The following PTPN5 variants were observed in gnomAD, a reference collection of about 807,000 sequenced individuals.
PTPN5 encodes tyrosine-protein phosphatase non-receptor type 5.
In PTPN5, 29 loss-of-function variants were observed where a neutral mutation model predicts 73.9. That is an observed-to-expected ratio of 0.39 (90% CI 0.29 to 0.54). The LOEUF (loss-of-function observed/expected upper bound fraction) is 0.54, where lower values mean the gene tolerates loss of function less well. PTPN5 is among the 20% of genes least tolerant of loss of function. The probability of loss-of-function intolerance (pLI) is 0.65; values close to 1 mark genes in which losing one functional copy is unlikely to be tolerated. For synonymous variants in PTPN5, 267 were observed against 304.7 expected, an observed-to-expected ratio of 0.88 and a Z score of 1.29; for missense variants, 652 against 751.4, an observed-to-expected ratio of 0.87 and a Z score of 1.55.
intron 1 of PTPN5, among the ~76,000 whole-genome samples, chr11:18,777,563 G>A (rs1480880457): frequency 6.6e-6 from 1 of 152,146 alleles, no homozygotes; most frequent in African/African-American, 2.4e-5. Flanking sequence ...CTGGTAAACC[G>A]GTTCTTAACT....
chr11:18,749,411 C>CA, intron 3 of PTPN5: 1 of 512,640 alleles, frequency 2.0e-6, no homozygotes, highest in Non-Finnish European at 3.9e-6. Flanking sequence ...GTGATGTTTC[C>CA]ATTTTGCCAT....
chr11:18,740,825 A>C, intron 7 of PTPN5, 33 bp from the exon 8 acceptor site: 47 of 1,400,550 alleles, frequency 3.4e-5, no homozygotes, highest in Non-Finnish European at 4.2e-5. Flanking sequence ...TGTGAGCCTC[A>C]GGGGCAGAGG....
At chr11:18,783,493 A>G (rs1484149192) in intron 1 of PTPN5, among the ~76,000 whole-genome samples, 1 of 152,212 alleles carries the variant, frequency 6.6e-6, no homozygotes, top group Non-Finnish European at 1.5e-5. Context: ...CCACAGCCCT[A>G]CAGAGCACAG....
rs1037452486 is a variant in PTPN5, at chr11:18,742,375, G to C, written c.612C>G (p.Asp204Glu). The change falls in exon 7 of 15, where the codon GAC becomes GAG. Residue 204 changes from aspartate (D) to glutamate (E), a missense_variant. Coordinates refer to ENST00000358540, the MANE Select transcript of PTPN5 (RefSeq NM_006906.2). This position sits in a 1 kb window ranked among gnomAD's most constrained non-coding sequence, Gnocchi z 4.1. ...CGGGCACCGGGTCGAGGTCCAGGAAGTCATCCTCGATCTTCTCCTCCATCC... is the reference window on the plus strand; with the variant it reads ...CGGGCACCGGGTCGAGGTCCAGGAACTCATCCTCGATCTTCTCCTCCATCC... ...SEWMEEKIED[D>E]FLDLDPVPET... 1.9e-6 allele frequency: 3 copies of C among 1,614,164 alleles called. No homozygotes were observed. The highest frequency in any genetic ancestry group is 2.5e-6 in the Non-Finnish European group (3 of 1,180,028).
rs1301765941 is a variant in PTPN5 at position 18,737,870 on chromosome 11, G to A, written c.1000+10C>T. 1.2e-6 allele frequency: 2 copies of A among 1,611,968 alleles called. No homozygotes were observed. Among genetic ancestry groups the A allele is most frequent in the Non-Finnish European group, 8.5e-7 (1 of 1,178,018 alleles). On this transcript the variant is annotated intron_variant, in intron 9 of 14. Coordinates refer to ENST00000358540, the MANE Select transcript of PTPN5 (RefSeq NM_006906.2). ...CCTGCCCCCATCCCTCTGGGACAGT[G>A]AGTACTCACTGGGAAGTATGGTTTT...
At chr11:18,791,145 G>T (rs1485437154) in intron 1 of PTPN5, among the ~76,000 whole-genome samples, 1 of 152,226 alleles carries the variant, frequency 6.6e-6, no homozygotes, top group South Asian at 2.1e-4. Context: ...GGCTAGCGGC[G>T]ATTTCCAATC....
Position 18,771,951 on chromosome 11 carries a change from T to C in PTPN5, c.8A>G (p.Tyr3Cys), listed in dbSNP as rs369144651. The C allele has an allele frequency of 5.1e-6, 8 of 1,583,070 alleles. No homozygotes were observed. Among genetic ancestry groups the C allele is most frequent in the South Asian group, 1.2e-5 (1 of 84,908 alleles). The change falls in exon 2 of 15, where the codon TAT (tyrosine) becomes TGT (cysteine). Residue 3 changes from tyrosine (Y) to cysteine (C), a missense_variant. Transcript: ENST00000358540. Reference protein sequence around the residue: MNYEGARSERENH... With the variant: MNCEGARSERENH... Reference sequence around the variant, plus strand: ...AACGCTCACTCACCTGGCTCCCTCATAATTCATTCCCAAGGTGTCTGGATG... The same window carrying C: ...AACGCTCACTCACCTGGCTCCCTCACAATTCATTCCCAAGGTGTCTGGATG...
chr11:18,738,691 T>A (rs1849226161), intron 8 of PTPN5, among the ~76,000 whole-genome samples: 1 of 152,120 alleles, frequency 6.6e-6, no homozygotes, highest in Non-Finnish European at 1.5e-5. Flanking sequence ...AGTTCACCTC[T>A]GCCCGGGCGC....
Position 18,729,210 on chromosome 11 carries a change from C to T in PTPN5, c.1605-183G>A, listed in dbSNP as rs1013339224. Among the ~76,000 whole-genome samples, 2 of 152,180 alleles carry T rather than the reference C, an allele frequency of 1.3e-5. No homozygotes were observed. Among genetic ancestry groups the T allele is most frequent in the African/African-American group, 4.8e-5 (2 of 41,442 alleles). ...TCAGGGACACAGATGACATGTCCTA[C>T]CACTTTCGGCCTCTGTCCTTTTATC... On this transcript the variant is annotated intron_variant, in intron 14 of 14. Coordinates refer to ENST00000358540, the MANE Select transcript of PTPN5 (RefSeq NM_006906.2). This position sits in a 1 kb window ranked among gnomAD's most constrained non-coding sequence, Gnocchi z 5.2.
intron 1 of PTPN5, among the ~76,000 whole-genome samples, chr11:18,787,004 G>A (rs1000158001): frequency 1.3e-5 from 2 of 152,160 alleles, no homozygotes; most frequent in African/African-American, 4.8e-5. Flanking sequence ...CCAGAAGGAT[G>A]TATATTTGTG....
At chr11:18,775,252 C>T (rs187948920) in intron 1 of PTPN5, among the ~76,000 whole-genome samples, 5 of 152,306 alleles carry the variant, frequency 3.3e-5, no homozygotes, top group African/African-American at 9.6e-5. Flanking sequence ...AAAAATATTC[C>T]GCAAATACAA....
chr11:18,746,161 A>AT (rs1491401573), intron 3 of PTPN5, among the ~76,000 whole-genome samples: 71 of 85,208 alleles, frequency 8.3e-4, no homozygotes, highest in African/African-American at 2.9e-3. Context: ...TTATAAATAT[A>AT]AATATATATA....
rs1849459192 is a variant in PTPN5, at chr11:18,743,321, C to G, written c.399+1G>C. ...CCTAGGACTCCCCAAAGCTTACTTA[C>G]CGTGGGTTCCAGCTGTTTCAGGAGC... On this transcript the variant is annotated splice_donor_variant, in intron 5 of 14. Transcript: ENST00000358540. LOFTEE classifies it high-confidence loss of function. The G allele has an allele frequency of 6.2e-7, 1 of 1,613,940 alleles. No individual in the cohort carries two copies. The highest frequency in any genetic ancestry group is 8.5e-7 in the Non-Finnish European group (1 of 1,179,918).
chr11:18,759,651 A>C (rs1850303692), intron 3 of PTPN5, among the ~76,000 whole-genome samples: 1 of 152,144 alleles, frequency 6.6e-6, no homozygotes, highest in Non-Finnish European at 1.5e-5. Flanking sequence ...CAAGTAAAAA[A>C]CTCATCGTAC....
At chr11:18,763,482 T>G (rs1386720298) in intron 3 of PTPN5, among the ~76,000 whole-genome samples, 1 of 152,198 alleles carries the variant, frequency 6.6e-6, no homozygotes, top group Non-Finnish European at 1.5e-5. Flanking sequence ...TGACACTGAT[T>G]TCCTAGGATA....
chr11:18,757,595 T>C (rs1280658923), intron 3 of PTPN5, among the ~76,000 whole-genome samples: 1 of 145,382 alleles, frequency 6.9e-6, no homozygotes, highest in South Asian at 2.1e-4. Flanking sequence ...GCTGTGTGTA[T>C]TCCTAGAACT....
intron 1 of PTPN5, among the ~76,000 whole-genome samples, chr11:18,773,306 CTT>C (rs533684531): frequency 8.1e-6 from 1 of 124,090 alleles, no homozygotes; most frequent in South Asian, 2.6e-4. Context: ...GCGGGTGTCT[CTT>C]TGTCAGGGAG....
At chr11:18,778,103 AAG>A (rs1433094466) in intron 1 of PTPN5, among the ~76,000 whole-genome samples, 3 of 152,170 alleles carry the variant, frequency 2.0e-5, no homozygotes, top group Non-Finnish European at 4.4e-5. Flanking sequence ...TATGATTGTG[AAG>A]AGTCATGCTG....
intron 9 of PTPN5, among the ~76,000 whole-genome samples, chr11:18,737,516 A>C (rs930297524): frequency 6.6e-6 from 1 of 152,196 alleles, no homozygotes; most frequent in Non-Finnish European, 1.5e-5. Flanking sequence ...CAGGTGAGCC[A>C]CTTAACCTCT....
Sources: gnomAD v4.1 joint callset for allele counts (sites outside exome capture counted in the v4.1 genomes callset) on GRCh38, gnomAD v4.1.1 for gene constraint, Gnocchi (gnomAD v3.1) non-coding constraint, MANE v1.5 for transcripts, NCBI Gene and HGNC (gene_info 2026-07-23, HGNC 2026-07-21) for gene names.